CHL1: variants seen among roughly 807,000 people sequenced by gnomAD.
CHL1 encodes the protein cell adhesion molecule L1 like, also known as neural cell adhesion molecule L1-like protein.
A neutral mutation model predicts 141.9 loss-of-function variants in CHL1; 96 were observed. That is an observed-to-expected ratio of 0.68 (90% CI 0.57 to 0.80). The LOEUF (loss-of-function observed/expected upper bound fraction) is 0.80, where lower values mean the gene tolerates loss of function less well. Ranked by LOEUF, CHL1 falls within the 30% of genes least tolerant of loss-of-function variation. The pLI is 0.00. For synonymous variants in CHL1, 613 were observed against 502.2 expected (o/e 1.22, Z -2.95); for missense variants, 1,820 against 1,457.2 (o/e 1.25, Z -4.05).
chr3:293,897 G>T (rs570162137), intron 2 of CHL1, among the ~76,000 whole-genome samples: 1 of 151,898 alleles, frequency 6.6e-6, no homozygotes, highest in African/African-American at 2.4e-5. Context: ...GAGTAGCTGG[G>T]ATTACAGGCA....
At chr3:249,722 A>G (rs1223197714) in intron 2 of CHL1, among the ~76,000 whole-genome samples, 1 of 152,130 alleles carries the variant, frequency 6.6e-6, no homozygotes, top group African/African-American at 2.4e-5. Context: ...ACTATTGCCT[A>G]TTGAATTTAA....
intron 2 of CHL1, among the ~76,000 whole-genome samples, chr3:269,629 G>A (rs1238774772): frequency 7.2e-5 from 11 of 152,270 alleles, no homozygotes; most frequent in African/African-American, 1.7e-4. Context: ...GGGTTCAAGC[G>A]ATTCTCCTGC....
intron 3 of CHL1, among the ~76,000 whole-genome samples, chr3:321,964 G>T (rs1295897471): frequency 1.3e-5 from 2 of 152,008 alleles, no homozygotes; most frequent in Non-Finnish European, 2.9e-5. Flanking sequence ...ATTAGTTATT[G>T]CTGAGCCTTT....
chr3:201,856 T>G (rs1559261436), intron 1 of CHL1, among the ~76,000 whole-genome samples: 1 of 152,218 alleles, frequency 6.6e-6, no homozygotes, highest in Admixed American at 6.5e-5. Context: ...GATTCACCTC[T>G]TCCTAACTCC....
intron 2 of CHL1, among the ~76,000 whole-genome samples, chr3:285,036 T>C (rs775850688): frequency 2.6e-5 from 4 of 152,236 alleles, no homozygotes; most frequent in African/African-American, 7.2e-5. Flanking sequence ...CTTATGAAAG[T>C]AGGCTTATCC....
intron 2 of CHL1, among the ~76,000 whole-genome samples, chr3:275,384 C>T (rs1044180141): frequency 2.0e-5 from 3 of 152,232 alleles, no homozygotes; most frequent in African/African-American, 7.2e-5. Context: ...ATCTTACTTG[C>T]ATTCCAGTTG....
At chr3:217,978 G>T (rs1220553192) in intron 1 of CHL1, among the ~76,000 whole-genome samples, 1 of 152,140 alleles carries the variant, frequency 6.6e-6, no homozygotes, top group Non-Finnish European at 1.5e-5. Flanking sequence ...TATGAGCAAG[G>T]CTGTTTTATT....
intron 2 of CHL1, chr3:282,573 T>C (rs903048217): frequency 6.6e-6 from 1 of 152,210 alleles, no homozygotes; most frequent in Admixed American, 6.5e-5. Flanking sequence ...GAATGTCTTA[T>C]TATTATTTTT....
intron 10 of CHL1, among the ~76,000 whole-genome samples, chr3:350,690 T>C (rs1338336008): frequency 2.6e-5 from 4 of 152,086 alleles, no homozygotes; most frequent in African/African-American, 9.7e-5. Flanking sequence ...CTGTTTGGAA[T>C]AACACTGCAT....
chr3:402,232 A>G (rs1361773013), intron 27 of CHL1, among the ~76,000 whole-genome samples: 2 of 152,246 alleles, frequency 1.3e-5, no homozygotes, highest in Admixed American at 6.5e-5. Flanking sequence ...AGAATCATCC[A>G]TAAGAGATAA....
At position 399,564 on chromosome 3, in the gene CHL1, C is replaced by T. The variant is rs576149917; in HGVS notation, c.3385+416C>T. 8.0e-4 allele frequency among the ~76,000 whole-genome samples: 121 copies of T among 152,170 alleles called. 1 individual carries two copies. The highest frequency in any genetic ancestry group is 1.1e-3 in the Non-Finnish European group (77 of 68,010). The stretch of plus-strand genomic sequence containing the variant: ...CTGAGACAGGAGAATCACTTGAACC[C>T]GGGAGGTGGAGTTTGCAGTGAGCTG... On this transcript the variant is annotated intron_variant, in intron 26 of 27. Coordinates refer to ENST00000256509, the MANE Select transcript of CHL1 (RefSeq NM_006614.4).
At chr3:274,066 T>G (rs1379953557) in intron 2 of CHL1, among the ~76,000 whole-genome samples, 1 of 152,222 alleles carries the variant, frequency 6.6e-6, no homozygotes. Context: ...TTCCATTCAC[T>G]GACCTTTTCC....
At chr3:361,926 C>A in intron 13 of CHL1, 116 bp downstream of exon 13, 1 of 694,176 alleles carries the variant, frequency 1.4e-6, no homozygotes, top group Non-Finnish European at 2.5e-6. Flanking sequence ...GTACCCAGTA[C>A]CTCTGAGACA....
At chr3:228,732 G>C (rs1701599871) in intron 1 of CHL1, among the ~76,000 whole-genome samples, 1 of 152,160 alleles carries the variant, frequency 6.6e-6, no homozygotes, top group South Asian at 2.1e-4. Flanking sequence ...CTCCATGAGG[G>C]AGATAAGTAA....
intron 1 of CHL1, among the ~76,000 whole-genome samples, chr3:242,332 C>T (rs1417363819): frequency 2.4e-4 from 36 of 149,876 alleles, no homozygotes; most frequent in Admixed American, 1.6e-3. Context: ...CGCGGTGGCT[C>T]ACGCCTGTAA....
chr3:349,775 C>T (rs1703087145), intron 10 of CHL1, among the ~76,000 whole-genome samples: 1 of 152,180 alleles, frequency 6.6e-6, no homozygotes, highest in Non-Finnish European at 1.5e-5. Context: ...AGGGATTAAA[C>T]ACAGACAGTT....
chr3:377,785 C>G, intron 15 of CHL1, 33 bp from the exon 16 acceptor site: 1 of 1,537,142 alleles, frequency 6.5e-7, no homozygotes, highest in South Asian at 1.2e-5. Flanking sequence ...TATTGTTTTC[C>G]TTCTCATCAT....
intron 9 of CHL1, among the ~76,000 whole-genome samples, chr3:345,301 G>A (rs1045478141): frequency 6.7e-6 from 1 of 149,390 alleles, no homozygotes; most frequent in African/African-American, 2.5e-5. Flanking sequence ...CTGCTGCTTT[G>A]CAGGTTCCAA....
intron 5 of CHL1, 96 bp downstream of exon 5, chr3:328,450 C>A (rs1170443063): frequency 2.0e-6 from 2 of 1,002,712 alleles, no homozygotes; most frequent in East Asian, 5.2e-5. Context: ...CAGTTATTAA[C>A]TAAATCAACT....
Sources: allele counts gnomAD v4.1 joint callset (sites outside exome capture counted in the v4.1 genomes callset), GRCh38; gene constraint gnomAD v4.1.1; transcripts MANE v1.5; gene names NCBI Gene and HGNC (gene_info 2026-07-23, HGNC 2026-07-21).